FBXO31: variants seen among roughly 807,000 people sequenced by gnomAD.
FBXO31 encodes the protein F-box protein 31.
FBXO31 carries 24 observed loss-of-function variants against 54.4 expected under a neutral mutation model. That is an observed-to-expected ratio of 0.44 (90% confidence interval 0.32 to 0.62). The LOEUF (loss-of-function observed/expected upper bound fraction) is 0.62, where lower values mean the gene tolerates loss of function less well. Ranked by LOEUF, FBXO31 falls within the 20% of genes least tolerant of loss-of-function variation. The pLI, the probability that FBXO31 is intolerant of heterozygous loss-of-function variation, is 0.05. For synonymous variants in FBXO31, 388 were observed against 335.6 expected (o/e 1.16, Z -1.71); for missense variants, 665 against 787.1 (o/e 0.84, Z 1.86).
rs1301288589 is a variant in FBXO31, at chr16:87,331,338, G to A, written c.1570C>T (p.Pro524Ser). Residue 524 changes from proline to serine, a missense_variant, in exon 9 of 9, where the codon CCA (proline) becomes TCA (serine). Coordinates refer to ENST00000311635, the MANE Select transcript of FBXO31 (RefSeq NM_024735.5). The part of the protein sequence containing the change: ...ATFRNADAPS[P>S]QAFDEMLKNI... ...TTGAGCATCTCATCGAAGGCCTGTG[G>A]GGACGGCGCATCTGCGTTCCGGAAG... 1.2e-6 allele frequency: 2 copies of A among 1,614,010 alleles called. No individual in the cohort carries two copies. Among genetic ancestry groups the A allele is most frequent in the African/African-American group, 1.3e-5 (1 of 75,040 alleles).
In FBXO31 at chr16:87,345,682, A is replaced by T. The variant is rs8043703; in HGVS notation, c.489+1492T>A. The stretch of plus-strand genomic sequence containing the variant: ...CCAGGAGAAAGAAAACAAGAAAAAG[A>T]AAAAAAGACTGAACACATCAGAGAG... On this transcript the variant is annotated intron_variant, in intron 3 of 8. Transcript: ENST00000311635. This position sits in a 1 kb window ranked among gnomAD's most constrained non-coding sequence, Gnocchi z 4.9. 0.027 allele frequency among the ~76,000 whole-genome samples: 4,050 copies of T among 152,304 alleles called. 173 individuals are homozygous for T. Among genetic ancestry groups the T allele is most frequent in the African/African-American group, 0.092 (3,829 of 41,558 alleles).
rs375993339 is a variant in FBXO31 at position 87,342,901 on chromosome 16, G to A, written c.708C>T (p.His236=). The A allele has an allele frequency of 6.2e-7, 1 of 1,606,716 alleles. No homozygotes were observed. ...CCTCCTGCCTCCCGCCGGACATCCTGTGGTGGTCCGTCTGGTTGCACTTGG... is the reference window on the plus strand; with the variant it reads ...CCTCCTGCCTCCCGCCGGACATCCTATGGTGGTCCGTCTGGTTGCACTTGG... ...FSTKCNQTDH[H]RMSGGRQEEF... is the part of the protein sequence containing the mutation. The change falls in exon 5 of 9, where the codon CAC becomes CAT. Residue 236 remains histidine, a synonymous_variant. Coordinates refer to ENST00000311635, the MANE Select transcript of FBXO31 (RefSeq NM_024735.5).
upstream of FBXO31, chr16:87,383,782 C>G: frequency 3.4e-6 from 4 of 1,165,548 alleles, no homozygotes; most frequent in Non-Finnish European, 4.2e-6. The surrounding 1 kb of genome is among the most constrained non-coding windows in gnomAD (Gnocchi z 4.9). Flanking sequence ...CCTGTGCGCA[C>G]GCTCCAGCGC....
chr16:87,334,700 G>C (rs567371556), intron 7 of FBXO31, among the ~76,000 whole-genome samples: 1 of 152,360 alleles, frequency 6.6e-6, no homozygotes, highest in African/African-American at 2.4e-5. Flanking sequence ...TGCCAGATGT[G>C]GCCCTGATCC....
intron 1 of FBXO31, among the ~76,000 whole-genome samples, chr16:87,380,185 C>G (rs1296217939): frequency 6.7e-6 from 1 of 148,380 alleles, no homozygotes; most frequent in African/African-American, 2.5e-5. Context: ...GTAGTCCCAG[C>G]TACTTAAGAG....
intron 1 of FBXO31, chr16:87,367,518 A>G (rs889684590): frequency 2.6e-5 from 4 of 152,216 alleles, no homozygotes; most frequent in African/African-American, 4.8e-5. Flanking sequence ...CTGACTCTCC[A>G]TAAGTACTTT....
At chr16:87,343,034 G>A (rs575441261) in intron 4 of FBXO31, 83 bp from the exon 5 acceptor site, 29 of 1,208,002 alleles carry the variant, frequency 2.4e-5, no homozygotes, top group African/African-American at 1.8e-4. Context: ...AGGTGGCCAC[G>A]ACCCCTCCCT....
chr16:87,343,573 G>C, intron 4 of FBXO31, 25 bp downstream of exon 4: 1 of 1,571,988 alleles, frequency 6.4e-7, no homozygotes, highest in Non-Finnish European at 8.6e-7. Context: ...GGACAGTGAG[G>C]ACCCAGCCCC....
In FBXO31 at chr16:87,327,147, C is replaced by T. The variant is rs1228382055; in HGVS notation, c.*4141G>A. ...CCTTACCAGGGGGTGCAGAGGTGCT[C>T]ATGATCAGATGGCACAGCGCTTTCC... On this transcript the variant is annotated 3_prime_UTR_variant, in exon 9 of 9. Transcript: ENST00000311635. 6.5e-6 allele frequency: 1 copy of T among 152,680 alleles called. No homozygotes were observed. Among genetic ancestry groups the T allele is most frequent in the African/African-American group, 2.4e-5 (1 of 41,474 alleles). The allele number at this position is 152,680 out of a possible 1,614,324, so 9.5% of individuals were successfully genotyped here. A position where few individuals can be genotyped will look rare whatever the true frequency, so the allele number is the denominator to read the frequency against.
At chr16:87,347,572 T>C (rs111432121) in intron 2 of FBXO31, among the ~76,000 whole-genome samples, 1 of 149,382 alleles carries the variant, frequency 6.7e-6, no homozygotes, top group African/African-American at 2.5e-5. Context: ...CCCAGCTACT[T>C]GGGAGGCTGA....
rs182993300 is a variant in FBXO31, at chr16:87,329,035, C to T, written c.*2253G>A. 3 of 152,368 alleles carry T rather than the reference C, an allele frequency of 2.0e-5. No homozygotes were observed. The highest frequency in any genetic ancestry group is 6.5e-5 in the Admixed American group (1 of 15,302). 9.4% of individuals were successfully genotyped at this position (152,368 alleles called of 1,614,324 possible). The stretch of plus-strand genomic sequence containing the variant: ...CGGAAGGGAAGCTGCTGTTTTGAGG[C>T]GCGCAGATTCAGTGCCTGTCCCTAC... On this transcript the variant is annotated 3_prime_UTR_variant, in exon 9 of 9. Coordinates refer to ENST00000311635, the MANE Select transcript of FBXO31 (RefSeq NM_024735.5).
chr16:87,352,836 G>C (rs1277034764), intron 2 of FBXO31, among the ~76,000 whole-genome samples: 1 of 152,194 alleles, frequency 6.6e-6, no homozygotes, highest in Non-Finnish European at 1.5e-5. Flanking sequence ...GGAAAGTACC[G>C]TGAAAGGTGA....
At chr16:87,341,715 T>C (rs987624689) in intron 5 of FBXO31, among the ~76,000 whole-genome samples, 2 of 151,810 alleles carry the variant, frequency 1.3e-5, no homozygotes, top group Non-Finnish European at 2.9e-5. Context: ...TACGTTGTGT[T>C]TCTGTATATA....
chr16:87,329,010 C>G lies in FBXO31; in HGVS notation c.*2278G>C, dbSNP rs1302145292. 2 of 152,380 alleles carry G rather than the reference C, an allele frequency of 1.3e-5. No homozygotes were observed. Among genetic ancestry groups the G allele is most frequent in the South Asian group, 2.1e-4 (1 of 4,826 alleles). The allele number at this position is 152,380 out of a possible 1,614,324, so 9.4% of individuals were successfully genotyped here. A position where few individuals can be genotyped will look rare whatever the true frequency, so the allele number is the denominator to read the frequency against. On this transcript the variant is annotated 3_prime_UTR_variant, in exon 9 of 9. Coordinates refer to ENST00000311635, the MANE Select transcript of FBXO31 (RefSeq NM_024735.5). ...CCCTGAGAGGGTGGATGCCCTCCCC[C>G]GGAAGGGAAGCTGCTGTTTTGAGGC... is the stretch of plus-strand genomic sequence containing the variant.
chr16:87,347,241 CG>C lies in FBXO31; in HGVS notation c.421del (p.Arg141AspfsTer20). ...CCACAATCCCAAAATGTGTCTATAT[CG>C]GTGAAGCACTACAGGAGGAGAGAAA... ...CRDVYAKLLH[R>X]YRHILGLWQP... On this transcript the variant is annotated frameshift_variant, in exon 3 of 9. Transcript: ENST00000311635. LOFTEE classifies it high-confidence loss of function. 6.2e-7 allele frequency: 1 copy of C among 1,613,988 alleles called. No individual in the cohort carries two copies. Among genetic ancestry groups the C allele is most frequent in the Non-Finnish European group, 8.5e-7 (1 of 1,179,930 alleles).
chr16:87,365,945 T>C (rs937192761), intron 1 of FBXO31, among the ~76,000 whole-genome samples: 7 of 152,228 alleles, frequency 4.6e-5, no homozygotes, highest in East Asian at 1.9e-4. Flanking sequence ...GAAGAATCGC[T>C]GGGAATCCGG....
In FBXO31 at chr16:87,381,853, G is replaced by A. The variant is rs567165894; in HGVS notation, c.340+1552C>T. On this transcript the variant is annotated intron_variant, in intron 1 of 8. Transcript: ENST00000311635. ...TCCTGGCCAACATAGTGAAACCCCC[G>A]TCTCTACTAAAAATACAAAAATTAG... Among the ~76,000 whole-genome samples the A allele has an allele frequency of 4.0e-3, 608 of 152,068 alleles. 1 individual carries two copies. Among genetic ancestry groups the A allele is most frequent in the African/African-American group, 0.014 (575 of 41,500 alleles).
upstream of FBXO31, among the ~76,000 whole-genome samples, chr16:87,384,791 C>T (rs1049575091): frequency 6.6e-6 from 1 of 152,232 alleles, no homozygotes; most frequent in African/African-American, 2.4e-5. Flanking sequence ...TCCCAGGAGG[C>T]CGAGGCTGTA....
Position 87,374,246 on chromosome 16 carries a change from G to GA in FBXO31, c.340+9158dup, listed in dbSNP as rs1229442152. On this transcript the variant is annotated intron_variant, in intron 1 of 8. Transcript: ENST00000311635. ...AACAGAGGCCCTGTCTCCACAAAAAGAAAAAAAAAAAAAGAGAGGAAAATG... is the reference window on the plus strand; with the variant it reads ...AACAGAGGCCCTGTCTCCACAAAAAGAAAAAAAAAAAAAAGAGAGGAAAATG... Among the ~76,000 whole-genome samples the GA allele has an allele frequency of 7.3e-3, 951 of 129,496 alleles. 8 individuals are homozygous for GA. The highest frequency in any genetic ancestry group is 0.023 in the African/African-American group (825 of 35,532). The allele number at this position is 129,496 out of a possible 152,430, so 85.0% of individuals were successfully genotyped here.
Sources: gnomAD v4.1 joint callset for allele counts (sites outside exome capture counted in the v4.1 genomes callset) on GRCh38, gnomAD v4.1.1 for gene constraint, Gnocchi (gnomAD v3.1) non-coding constraint, MANE v1.5 for transcripts, NCBI Gene and HGNC (gene_info 2026-07-23, HGNC 2026-07-21) for gene names.